Variants in EYS observed in about 807,000 individuals in gnomAD.
EYS encodes the protein EGF-like photoreceptor maintenance factor.
Under a neutral mutation model 282.1 loss-of-function variants are expected in EYS, and 250 were observed. That is an observed-to-expected ratio of 0.89 (90% CI 0.80 to 0.98). The LOEUF (loss-of-function observed/expected upper bound fraction) is 0.98, where lower values mean the gene tolerates loss of function less well. EYS is among the 50% of genes least tolerant of loss of function. EYS has a pLI of 0.00. For missense variants in EYS, 4,016 were observed against 3,709.0 expected (o/e 1.08, Z -2.15); for synonymous variants, 1,355 against 1,282.9 (o/e 1.06, Z -1.20).
chr6:64,786,936 G>A (rs1026169692), intron 22 of EYS, among the ~76,000 whole-genome samples: 17 of 152,122 alleles, frequency 1.1e-4, no homozygotes, highest in African/African-American at 3.9e-4. Flanking sequence ...AGTTTGCTGA[G>A]TTTCACTCTT....
intron 28 of EYS, among the ~76,000 whole-genome samples, chr6:64,391,645 C>A (rs1178578707): frequency 6.6e-6 from 1 of 152,080 alleles, no homozygotes; most frequent in African/African-American, 2.4e-5. Flanking sequence ...TGGAAAGGAA[C>A]AACCCGTACC....
At chr6:64,702,715 T>G (rs1037702805) in intron 22 of EYS, among the ~76,000 whole-genome samples, 20 of 152,146 alleles carry the variant, frequency 1.3e-4, no homozygotes, top group Non-Finnish European at 2.5e-4. Flanking sequence ...CATTACTCAT[T>G]TGTTTATTTA....
intron 42 of EYS, among the ~76,000 whole-genome samples, chr6:63,722,068 G>A (rs1426566717): frequency 6.6e-6 from 1 of 152,074 alleles, no homozygotes; most frequent in Non-Finnish European, 1.5e-5. Flanking sequence ...GTTAAAGTGA[G>A]GTTTTTCTTC....
chr6:65,290,903 T>C (rs1193560792), intron 12 of EYS, among the ~76,000 whole-genome samples: 3 of 151,382 alleles, frequency 2.0e-5, no homozygotes, highest in East Asian at 1.9e-4. Context: ...TGTTTAATGA[T>C]AGTGAAATCT....
chr6:64,380,969 A>T (rs1772727425), intron 29 of EYS, among the ~76,000 whole-genome samples: 1 of 151,366 alleles, frequency 6.6e-6, no homozygotes, highest in South Asian at 2.1e-4. Context: ...GAGCCGAGAA[A>T]TCGTGCCACT....
At chr6:65,138,940 C>T (rs1295287699) in intron 12 of EYS, among the ~76,000 whole-genome samples, 1 of 152,044 alleles carries the variant, frequency 6.6e-6, no homozygotes, top group Non-Finnish European at 1.5e-5. Context: ...ATAACAGACT[C>T]TGCCGAAGTT....
chr6:63,775,974 T>C (rs920975416), intron 40 of EYS, among the ~76,000 whole-genome samples: 5 of 152,162 alleles, frequency 3.3e-5, no homozygotes, highest in African/African-American at 1.2e-4. Context: ...TATTTTGTAA[T>C]TATGTCAATA....
intron 35 of EYS, among the ~76,000 whole-genome samples, chr6:63,976,410 A>C (rs1766840241): frequency 6.6e-6 from 1 of 152,080 alleles, no homozygotes; most frequent in African/African-American, 2.4e-5. Context: ...ATTGTTATGA[A>C]GTGCATTAGC....
intron 11 of EYS, chr6:65,330,350 T>G: frequency 1.0e-6 from 1 of 984,194 alleles, no homozygotes; most frequent in Non-Finnish European, 1.2e-6. Context: ...AGACATAAAT[T>G]TGAGGCTTCA....
chr6:64,387,729 T>C (rs977866512), intron 29 of EYS, among the ~76,000 whole-genome samples: 3 of 152,142 alleles, frequency 2.0e-5, no homozygotes, highest in Non-Finnish European at 4.4e-5. Context: ...ATCTGTTTAA[T>C]GATCAATAAA....
At chr6:64,021,880 T>C (rs891733229) in intron 33 of EYS, among the ~76,000 whole-genome samples, 2 of 152,218 alleles carry the variant, frequency 1.3e-5, no homozygotes, top group African/African-American at 4.8e-5. Flanking sequence ...ATTCTTTGCA[T>C]TGTGCTTTTG....
At position 64,676,322 on chromosome 6, in the gene EYS, A is replaced by ATC. The variant is rs547865519; in HGVS notation, c.3444-50078_3444-50077insGA. The stretch of plus-strand genomic sequence containing the variant: ...ATATCTATATCCAATATATCTATAT[A>ATC]TATATATCTATATATCTATATATAT... On this transcript the variant is annotated intron_variant, in intron 22 of 42. Transcript: ENST00000503581. Among the ~76,000 whole-genome samples, 321 of 146,176 alleles carry ATC rather than the reference A, an allele frequency of 2.2e-3. 2 individuals are homozygous for ATC. Among genetic ancestry groups the ATC allele is most frequent in the South Asian group, 0.018 (84 of 4,688 alleles).
intron 26 of EYS, among the ~76,000 whole-genome samples, chr6:64,483,908 A>G (rs1053483622): frequency 9.9e-5 from 15 of 151,710 alleles, no homozygotes; most frequent in African/African-American, 3.4e-4. Flanking sequence ...CATGACACAT[A>G]GACATAGATT....
intron 1 of EYS, among the ~76,000 whole-genome samples, chr6:65,655,553 C>A (rs1260249861): frequency 6.6e-6 from 1 of 151,606 alleles, no homozygotes; most frequent in Non-Finnish European, 1.5e-5. Flanking sequence ...TGAGAAAAAC[C>A]CAGACTTAAG....
At chr6:65,142,392 T>C (rs1483189881) in intron 12 of EYS, among the ~76,000 whole-genome samples, 1 of 151,488 alleles carries the variant, frequency 6.6e-6, no homozygotes, top group African/African-American at 2.4e-5. Flanking sequence ...GTAAAATACA[T>C]CAGTAGATCT....
chr6:64,187,069 C>G (rs578206217), intron 31 of EYS, among the ~76,000 whole-genome samples: 14 of 152,216 alleles, frequency 9.2e-5, no homozygotes, highest in African/African-American at 3.4e-4. Flanking sequence ...AAAATCTGGT[C>G]TGTAGATGAA....
intron 22 of EYS, among the ~76,000 whole-genome samples, chr6:64,734,839 A>G (rs1772130690): frequency 6.6e-6 from 1 of 152,094 alleles, no homozygotes; most frequent in Non-Finnish European, 1.5e-5. Flanking sequence ...ATTTTAATAT[A>G]TCTTTTGAGT....
intron 32 of EYS, among the ~76,000 whole-genome samples, chr6:64,070,772 AT>A (rs546137411): frequency 2.0e-5 from 3 of 152,044 alleles, no homozygotes; most frequent in Non-Finnish European, 2.9e-5. Flanking sequence ...CTCTAAGGAC[AT>A]TTTTTTAAGT....
intron 29 of EYS, among the ~76,000 whole-genome samples, chr6:64,350,079 G>T (rs1771567427): frequency 1.3e-5 from 2 of 151,538 alleles, no homozygotes; most frequent in Non-Finnish European, 3.0e-5. Context: ...TCTAGATTCT[G>T]TATTAGGTGT....
Sources: allele counts gnomAD v4.1 joint callset (sites outside exome capture counted in the v4.1 genomes callset), GRCh38; gene constraint gnomAD v4.1.1; transcripts MANE v1.5; gene names NCBI Gene and HGNC (gene_info 2026-07-23, HGNC 2026-07-21).